The following KRT222 variants were observed in gnomAD, a reference collection of about 807,000 sequenced individuals.
KRT222 encodes keratin 222, also known as keratin-like protein KRT222.
A neutral mutation model predicts 35.0 loss-of-function variants in KRT222; 23 were observed. That is an observed-to-expected ratio of 0.66 (90% CI 0.47 to 0.93). KRT222 has a LOEUF of 0.93. KRT222 is among the 40% of genes least tolerant of loss of function. The pLI is 0.00. For synonymous variants in KRT222, 108 were observed against 118.8 expected, an observed-to-expected ratio of 0.91 and a Z score of 0.59; for missense variants, 339 against 346.3, an observed-to-expected ratio of 0.98 and a Z score of 0.17.
chr17:40,657,828 T>A, intron 3 of KRT222, 78 bp from the exon 4 acceptor site: 1 of 970,300 alleles, frequency 1.0e-6, no homozygotes, highest in Non-Finnish European at 1.6e-6. Flanking sequence ...AATGGATAAA[T>A]CGTATATTCA....
intron 3 of KRT222, among the ~76,000 whole-genome samples, chr17:40,658,802 G>A (rs548247805): frequency 1.3e-5 from 2 of 152,268 alleles, no homozygotes; most frequent in African/African-American, 4.8e-5. Context: ...AGAATTGGAG[G>A]TTATGTCATG....
chr17:40,656,478 G>T lies in KRT222; in HGVS notation c.812C>A (p.Pro271Gln), dbSNP rs1567852517. 4 of 1,613,752 alleles carry T rather than the reference G, an allele frequency of 2.5e-6. No individual in the cohort carries two copies. The highest frequency in any genetic ancestry group is 1.7e-5 in the Admixed American group (1 of 60,010). Residue 271 changes from proline to glutamine, a missense_variant, in exon 6 of 6, where the codon CCA (proline) becomes CAA (glutamine). Physicochemically the swap from Pro to Gln is moderately conservative, Grantham distance 76. Transcript: ENST00000394052. ...GCLETKQDNL[P>Q]DIEVRLIMRR... ...CATGATAAGCCTGACTTCTATATCT[G>T]GTAGATTATCCTGCTTAGTCTCTAA...
chr17:40,659,658 T>C (rs2037369116), intron 3 of KRT222, among the ~76,000 whole-genome samples: 1 of 151,412 alleles, frequency 6.6e-6, no homozygotes, highest in Admixed American at 6.6e-5. Context: ...TCCTGAGCTG[T>C]AGTAATCCTC....
chr17:40,663,922 G>A (rs903587022), intron 1 of KRT222, among the ~76,000 whole-genome samples: 3 of 152,108 alleles, frequency 2.0e-5, no homozygotes, highest in Non-Finnish European at 4.4e-5. Flanking sequence ...TTGTAAAGGT[G>A]AATGAACTAT....
chr17:40,663,980 T>A (rs1037768146), intron 1 of KRT222, among the ~76,000 whole-genome samples: 2 of 152,226 alleles, frequency 1.3e-5, no homozygotes, highest in Admixed American at 1.3e-4. Flanking sequence ...AAGATGTTGA[T>A]CATTCTTTAT....
At chr17:40,661,431 T>G (rs1312823992) in intron 2 of KRT222, among the ~76,000 whole-genome samples, 1 of 152,040 alleles carries the variant, frequency 6.6e-6, no homozygotes, top group Non-Finnish European at 1.5e-5. Flanking sequence ...CATGCCTGGC[T>G]AATATTTTGT....
chr17:40,660,318 T>G, intron 2 of KRT222, 111 bp from the exon 3 acceptor site: 1 of 834,570 alleles, frequency 1.2e-6, no homozygotes, highest in Non-Finnish European at 1.9e-6. Flanking sequence ...TCTCACCCTG[T>G]TGCCCAGAGT....
At position 40,654,723 on chromosome 17, in the gene KRT222, C is replaced by T. The variant is rs1223648913; in HGVS notation, c.*1679G>A. 1 of 151,838 alleles carries T rather than the reference C, an allele frequency of 6.6e-6. No individual in the cohort carries two copies. Among genetic ancestry groups the T allele is most frequent in the African/African-American group, 2.4e-5 (1 of 41,326 alleles). 9.4% of individuals were successfully genotyped at this position (151,838 alleles called of 1,614,324 possible). On this transcript the variant is annotated 3_prime_UTR_variant, in exon 6 of 6. Transcript: ENST00000394052. Reference sequence around the variant, plus strand: ...GTTGCTTAGTACAGTAACTTTAGTACAATAGCTTATATGATTGCATTTTTA... The same window carrying T: ...GTTGCTTAGTACAGTAACTTTAGTATAATAGCTTATATGATTGCATTTTTA...
chr17:40,659,648 TC>T (rs2144031933), intron 3 of KRT222, among the ~76,000 whole-genome samples: 1 of 152,306 alleles, frequency 6.6e-6, no homozygotes, highest in African/African-American at 2.4e-5. Flanking sequence ...GGTATTGAGC[TC>T]CTGAGCTGTA....
At position 40,656,413 on chromosome 17, in the gene KRT222, TTGATGGAGGTTTGATAGAGGGAATAC is replaced by T; in HGVS notation, c.851_876del (p.Ser284AsnfsTer3). On this transcript the variant is annotated frameshift_variant, in exon 6 of 6. Coordinates refer to ENST00000394052, the MANE Select transcript of KRT222 (RefSeq NM_152349.3). LOFTEE classifies it high-confidence loss of function. ...ATACTATCTTTGGATTAATTAGCTG[TTGATGGAGGTTTGATAGAGGGAATAC>T]TGCATGATCTTCTCATGATAAGCCT... 1 of 1,612,598 alleles carries T rather than the reference TTGATGGAGGTTTGATAGAGGGAATAC, an allele frequency of 6.2e-7. No homozygotes were observed. Among genetic ancestry groups the T allele is most frequent in the East Asian group, 2.2e-5 (1 of 44,824 alleles).
At chr17:40,659,060 T>C (rs1479639460) in intron 3 of KRT222, among the ~76,000 whole-genome samples, 1 of 152,140 alleles carries the variant, frequency 6.6e-6, no homozygotes, top group African/African-American at 2.4e-5. Context: ...TTCCAGGCTT[T>C]TGTTATGGGT....
intron 5 of KRT222, 106 bp downstream of exon 5, chr17:40,657,246 A>G (rs2037351608): frequency 3.5e-6 from 3 of 850,710 alleles, no homozygotes; most frequent in Non-Finnish European, 3.3e-6. Flanking sequence ...TACTAAAACT[A>G]TGTTTGGAAA....
chr17:40,664,834 A>C, intron 1 of KRT222, 170 bp downstream of exon 1: 7 of 1,084,974 alleles, frequency 6.5e-6, no homozygotes, highest in Non-Finnish European at 9.0e-6. Context: ...ATATAATCAC[A>C]GTATTTCCCC....
At chr17:40,657,899 G>T in intron 3 of KRT222, 149 bp from the exon 4 acceptor site, 1 of 572,172 alleles carries the variant, frequency 1.7e-6, no homozygotes. Flanking sequence ...TATCTTTATG[G>T]ATTGATCCCC....
At chr17:40,664,601 C>G (rs572655196) in intron 1 of KRT222, among the ~76,000 whole-genome samples, 3 of 152,190 alleles carry the variant, frequency 2.0e-5, no homozygotes, top group Non-Finnish European at 4.4e-5. Flanking sequence ...GCTAATAAAT[C>G]TTACTTAAAG....
chr17:40,658,965 C>T (rs774568871), intron 3 of KRT222, among the ~76,000 whole-genome samples: 8 of 152,004 alleles, frequency 5.3e-5, no homozygotes, highest in Non-Finnish European at 1.0e-4. Flanking sequence ...AATATAATTA[C>T]GTTAGAGTAA....
At chr17:40,656,690 A>C in intron 5 of KRT222, 60 bp from the exon 6 acceptor site, 1 of 877,668 alleles carries the variant, frequency 1.1e-6, no homozygotes, top group Non-Finnish European at 1.8e-6. Context: ...AAAAATATGT[A>C]TTATATATTT....
At chr17:40,663,635 C>T (rs1161736550) in intron 1 of KRT222, among the ~76,000 whole-genome samples, 2 of 152,266 alleles carry the variant, frequency 1.3e-5, no homozygotes, top group East Asian at 3.9e-4. Context: ...CAATCTGTAA[C>T]TAAAATAGCT....
Position 40,656,551 on chromosome 17 carries a change from C to A in KRT222, c.739G>T (p.Val247Phe). 1 of 1,613,846 alleles carries A rather than the reference C, an allele frequency of 6.2e-7. No homozygotes were observed. The highest frequency in any genetic ancestry group is 8.5e-7 in the Non-Finnish European group (1 of 1,179,790). Residue 247 changes from valine (V) to phenylalanine (F), a missense_variant, in exon 6 of 6, where the codon GTT (valine) becomes TTT (phenylalanine). By Grantham distance (50) the Val-to-Phe change is conservative. Transcript: ENST00000394052. ...KDNPRLRKKS[V>F]SLRFDLHLAA... is the part of the protein sequence containing the mutation. ...AAATGAAGATCAAATCGAAGAGAAACAGACTTTTTCCTCAATCGAGGGTTA... is the reference window on the plus strand; with the variant it reads ...AAATGAAGATCAAATCGAAGAGAAAAAGACTTTTTCCTCAATCGAGGGTTA...
Sources: gnomAD v4.1 joint callset for allele counts (sites outside exome capture counted in the v4.1 genomes callset) on GRCh38, gnomAD v4.1.1 for gene constraint, MANE v1.5 for transcripts, NCBI Gene and HGNC (gene_info 2026-07-23, HGNC 2026-07-21) for gene names.